Variants in GRM7 observed in about 807,000 individuals in gnomAD.
GRM7 encodes the protein glutamate metabotropic receptor 7, also known as metabotropic glutamate receptor 7.
In GRM7, 35 loss-of-function variants were observed where a neutral mutation model predicts 84.5. That is an observed-to-expected ratio of 0.41 (90% CI 0.32 to 0.55). The LOEUF (loss-of-function observed/expected upper bound fraction) is 0.55, where lower values mean the gene tolerates loss of function less well. Ranked by LOEUF, GRM7 falls within the 20% of genes least tolerant of loss-of-function variation. The pLI is 0.19. For synonymous variants in GRM7, 487 were observed against 455.1 expected (o/e 1.07, Z -0.89); for missense variants, 1,003 against 1,194.6 (o/e 0.84, Z 2.36).
chr3:7,503,373 A>G (rs978226954), intron 7 of GRM7, among the ~76,000 whole-genome samples: 1 of 151,580 alleles, frequency 6.6e-6, no homozygotes, highest in South Asian at 2.1e-4. Context: ...CCAAGAGAAT[A>G]AAATGTGCAC....
Position 7,259,790 on chromosome 3 carries a change from T to G in GRM7, c.737-38894T>G, listed in dbSNP as rs116721792. 8.7e-3 allele frequency among the ~76,000 whole-genome samples: 1,323 copies of G among 152,176 alleles called. 12 individuals carry two copies. Among genetic ancestry groups the G allele is most frequent in the Admixed American group, 0.015 (236 of 15,270 alleles). On this transcript the variant is annotated intron_variant, in intron 2 of 9. Transcript: ENST00000357716. Reference sequence around the variant, plus strand: ...TCTTTATGATAGAATGATTTATATTTTTTTGGGTATATACCCAGTAATGGG... The same window carrying G: ...TCTTTATGATAGAATGATTTATATTGTTTTGGGTATATACCCAGTAATGGG...
intron 1 of GRM7, among the ~76,000 whole-genome samples, chr3:6,880,485 G>A (rs1695468278): frequency 6.6e-6 from 1 of 152,156 alleles, no homozygotes; most frequent in African/African-American, 2.4e-5. Flanking sequence ...GGAAGAAGTG[G>A]ACAGAGAATT....
At chr3:7,383,250 T>C (rs1431976407) in intron 4 of GRM7, among the ~76,000 whole-genome samples, 2 of 152,240 alleles carry the variant, frequency 1.3e-5, no homozygotes, top group African/African-American at 4.8e-5. Flanking sequence ...TGCAGTTTCT[T>C]ACACCTAAGA....
intron 1 of GRM7, among the ~76,000 whole-genome samples, chr3:7,000,203 G>A (rs565646738): frequency 8.7e-4 from 108 of 124,042 alleles, no homozygotes; most frequent in Non-Finnish European, 1.3e-4. Flanking sequence ...ACAGAATTCC[G>A]CTCTGTCACC....
chr3:6,976,569 C>T (rs1487406037), intron 1 of GRM7, among the ~76,000 whole-genome samples: 1 of 151,948 alleles, frequency 6.6e-6, no homozygotes, highest in Non-Finnish European at 1.5e-5. Context: ...TTTTTTGTTT[C>T]TTTGAGCACC....
At chr3:7,170,545 G>T (rs1694950605) in intron 2 of GRM7, among the ~76,000 whole-genome samples, 1 of 152,162 alleles carries the variant, frequency 6.6e-6, no homozygotes, top group South Asian at 2.1e-4. Context: ...GAAGCAAATT[G>T]TCATATGGTG....
intron 7 of GRM7, among the ~76,000 whole-genome samples, chr3:7,488,951 A>G (rs1042608045): frequency 6.6e-6 from 1 of 152,074 alleles, no homozygotes; most frequent in African/African-American, 2.4e-5. Context: ...AGATGGTGAC[A>G]GGGTGATAGA....
At chr3:6,948,248 T>C (rs1387920047) in intron 1 of GRM7, among the ~76,000 whole-genome samples, 1 of 152,142 alleles carries the variant, frequency 6.6e-6, no homozygotes, top group Non-Finnish European at 1.5e-5. Flanking sequence ...GATTCTGGTA[T>C]GTTGTGTCTT....
chr3:7,298,194 C>T (rs1259542321), intron 2 of GRM7, among the ~76,000 whole-genome samples: 4 of 151,978 alleles, frequency 2.6e-5, no homozygotes, highest in Non-Finnish European at 5.9e-5. Flanking sequence ...TTTTATTCCA[C>T]TTATTCCACT....
intron 1 of GRM7, among the ~76,000 whole-genome samples, chr3:6,885,793 C>G (rs1482788705): frequency 1.3e-5 from 2 of 152,222 alleles, no homozygotes; most frequent in African/African-American, 4.8e-5. Flanking sequence ...CCTCATCTTA[C>G]ATCCTTGTCA....
intron 4 of GRM7, among the ~76,000 whole-genome samples, chr3:7,377,301 C>G (rs2125125073): frequency 6.6e-6 from 1 of 152,316 alleles, no homozygotes; most frequent in Non-Finnish European, 1.5e-5. Context: ...CTGTGTGACA[C>G]TTGCCTGAAC....
chr3:7,387,006 T>C (rs1300176129), intron 4 of GRM7, among the ~76,000 whole-genome samples: 1 of 152,236 alleles, frequency 6.6e-6, no homozygotes, highest in Non-Finnish European at 1.5e-5. Context: ...TATTTGCATT[T>C]ATCTAATGAT....
At chr3:7,293,170 G>T (rs1699696808) in intron 2 of GRM7, among the ~76,000 whole-genome samples, 1 of 152,018 alleles carries the variant, frequency 6.6e-6, no homozygotes, top group South Asian at 2.1e-4. Context: ...TGAGTTTCAG[G>T]CTTTAAACTG....
At chr3:7,632,694 A>G (rs1697909662) in intron 8 of GRM7, among the ~76,000 whole-genome samples, 1 of 152,184 alleles carries the variant, frequency 6.6e-6, no homozygotes, top group Admixed American at 6.5e-5. Context: ...AGTTATTTTA[A>G]TTGTTTTCAT....
At chr3:7,023,606 T>A (rs1175006680) in intron 1 of GRM7, among the ~76,000 whole-genome samples, 2 of 152,128 alleles carry the variant, frequency 1.3e-5, no homozygotes, top group Non-Finnish European at 2.9e-5. Flanking sequence ...AAGTCCAAAT[T>A]CAAGGAGTAA....
chr3:7,360,711 C>A (rs757797478), intron 4 of GRM7, among the ~76,000 whole-genome samples: 1 of 152,028 alleles, frequency 6.6e-6, no homozygotes, highest in Non-Finnish European at 1.5e-5. Context: ...GTAAGGTTTC[C>A]TGTTGGGACA....
intron 2 of GRM7, among the ~76,000 whole-genome samples, chr3:7,167,156 C>T (rs746475630): frequency 2.0e-5 from 3 of 152,202 alleles, no homozygotes; most frequent in Non-Finnish European, 4.4e-5. Flanking sequence ...TCCTCATCAG[C>T]ACTCTAAGCA....
intron 4 of GRM7, among the ~76,000 whole-genome samples, chr3:7,412,475 C>T (rs533855370): frequency 6.6e-6 from 1 of 152,308 alleles, no homozygotes; most frequent in African/African-American, 2.4e-5. Context: ...GGAAAGGTCA[C>T]TTCCCAAATG....
rs528392837 is a variant in GRM7 at position 7,013,953 on chromosome 3, G to A, written c.520-132499G>A. Among the ~76,000 whole-genome samples the A allele has an allele frequency of 1.3e-4, 20 of 151,958 alleles. No homozygotes were observed. The East Asian group carries it at 1.7e-3, about 13-fold the overall frequency. On this transcript the variant is annotated intron_variant, in intron 1 of 9. Transcript: ENST00000357716. The stretch of plus-strand genomic sequence containing the variant: ...CACAATTTGGATTTTGCTTCTTTTG[G>A]TGTTAACTGACATATCTGCCCTTCC...
Sources: gnomAD v4.1 joint callset for allele counts (sites outside exome capture counted in the v4.1 genomes callset) on GRCh38, gnomAD v4.1.1 for gene constraint, MANE v1.5 for transcripts, NCBI Gene and HGNC (gene_info 2026-07-23, HGNC 2026-07-21) for gene names.